ERC2: variants seen among roughly 807,000 people sequenced by gnomAD.
ERC2 encodes ELKS/RAB6-interacting/CAST family member 2.
ERC2 carries 42 observed loss-of-function variants against 114.8 expected under a neutral mutation model. The ratio of observed to expected loss-of-function variants is 0.37; its 90% CI spans 0.29 to 0.47. The LOEUF is 0.47. Among genes scored for constraint, ERC2 ranks in the 20% least tolerant of loss-of-function variants. The pLI is 0.99. For missense variants in ERC2, 939 were observed against 1,150.7 expected, an observed-to-expected ratio of 0.82 and a Z score of 2.66; for synonymous variants, 454 against 425.5, an observed-to-expected ratio of 1.07 and a Z score of -0.82.
intron 14 of ERC2, among the ~76,000 whole-genome samples, chr3:55,779,319 T>TA (rs1402090030): frequency 1.8e-3 from 58 of 31,360 alleles, no homozygotes; most frequent in African/African-American, 6.5e-3. Flanking sequence ...CCATCTCTAC[T>TA]AAAAATACAA....
chr3:55,946,765 C>T (rs1275177269), intron 13 of ERC2, among the ~76,000 whole-genome samples: 1 of 152,158 alleles, frequency 6.6e-6, no homozygotes, highest in African/African-American at 2.4e-5. Flanking sequence ...TCCTGTTCTC[C>T]TTGTCAATGC....
chr3:56,052,185 G>A (rs1271134720), intron 7 of ERC2, among the ~76,000 whole-genome samples: 4 of 152,208 alleles, frequency 2.6e-5, no homozygotes, highest in Non-Finnish European at 5.9e-5. Flanking sequence ...CCTATGGGTA[G>A]CTTAACAGTC....
intron 3 of ERC2, among the ~76,000 whole-genome samples, chr3:56,193,202 G>A (rs559374724): frequency 3.8e-4 from 58 of 152,252 alleles, no homozygotes; most frequent in Non-Finnish European, 7.8e-4. Flanking sequence ...AATATAAACC[G>A]TGTGAAAAAG....
intron 17 of ERC2, among the ~76,000 whole-genome samples, chr3:55,588,776 C>CT (rs141967751): frequency 0.029 from 4,408 of 152,206 alleles, 166 homozygotes; most frequent in African/African-American, 0.082. Context: ...GATAAGATGG[C>CT]GCTTGACTGG....
chr3:55,854,602 A>G (rs2061711759), intron 14 of ERC2, among the ~76,000 whole-genome samples: 2 of 152,216 alleles, frequency 1.3e-5, no homozygotes, highest in East Asian at 1.9e-4. Context: ...TGTGAAATGC[A>G]TCCAGCCCAG....
chr3:56,088,774 A>G (rs1231835271), intron 6 of ERC2, among the ~76,000 whole-genome samples: 2 of 152,216 alleles, frequency 1.3e-5, no homozygotes, highest in Non-Finnish European at 2.9e-5. Flanking sequence ...TAATAACAGT[A>G]CGTCCTTCAT....
intron 17 of ERC2, among the ~76,000 whole-genome samples, chr3:55,652,859 CAAAAAAAAAAAAA>C (rs3059334): frequency 1.3e-5 from 1 of 74,378 alleles, no homozygotes; most frequent in East Asian, 4.3e-4. Context: ...GACTCTGTCT[CAAAAAAAAAAAAA>C]AAAAAAAAAA....
At chr3:55,714,696 T>TATATAC (rs2064004177) in intron 15 of ERC2, among the ~76,000 whole-genome samples, 4 of 107,886 alleles carry the variant, frequency 3.7e-5, no homozygotes, top group Admixed American at 1.1e-4. Flanking sequence ...TATATATATA[T>TATATAC]ATATATATAT....
intron 7 of ERC2, among the ~76,000 whole-genome samples, chr3:56,077,413 C>A (rs1313479898): frequency 1.3e-5 from 2 of 152,202 alleles, no homozygotes; most frequent in Non-Finnish European, 2.9e-5. Flanking sequence ...CAAGTGATAT[C>A]ATAATCATGT....
At chr3:55,597,455 A>C (rs1295181321) in intron 17 of ERC2, among the ~76,000 whole-genome samples, 1 of 151,496 alleles carries the variant, frequency 6.6e-6, no homozygotes, top group Non-Finnish European at 1.5e-5. Flanking sequence ...AACCTTACAC[A>C]TCAAGGCCAA....
chr3:56,377,598 G>T (rs968614635), intron 2 of ERC2, among the ~76,000 whole-genome samples: 1 of 152,188 alleles, frequency 6.6e-6, no homozygotes, highest in African/African-American at 2.4e-5. Context: ...GCATAAAGAT[G>T]TAAAATTAAT....
chr3:55,943,695 A>G (rs1477565896), intron 13 of ERC2, among the ~76,000 whole-genome samples: 1 of 152,190 alleles, frequency 6.6e-6, no homozygotes, highest in African/African-American at 2.4e-5. Flanking sequence ...CCACGAAAGC[A>G]TTTTAGAAAG....
chr3:56,002,204 G>C (rs2072128913), intron 10 of ERC2, among the ~76,000 whole-genome samples: 1 of 152,146 alleles, frequency 6.6e-6, no homozygotes. Context: ...TCCTGAAGCA[G>C]TGGCTTAACA....
At chr3:55,788,640 C>T (rs150087535) in intron 14 of ERC2, among the ~76,000 whole-genome samples, 156 of 152,264 alleles carry the variant, frequency 1.0e-3, no homozygotes, top group African/African-American at 3.7e-3. Flanking sequence ...GGTTGGTCAG[C>T]TGACGGTCTT....
intron 6 of ERC2, among the ~76,000 whole-genome samples, chr3:56,112,432 GAC>G (rs3052551): frequency 0.051 from 7,626 of 149,148 alleles, 400 homozygotes; most frequent in East Asian, 0.14. Flanking sequence ...AAGACAGACA[GAC>G]ACACACACAC....
At chr3:55,896,891 G>A (rs188470909) in intron 13 of ERC2, among the ~76,000 whole-genome samples, 171 of 152,290 alleles carry the variant, frequency 1.1e-3, no homozygotes, top group Non-Finnish European at 2.1e-3. Context: ...GTCATTCTAT[G>A]TTGCAGATCA....
At chr3:55,584,988 G>C (rs2057522076) in intron 17 of ERC2, among the ~76,000 whole-genome samples, 1 of 152,226 alleles carries the variant, frequency 6.6e-6, no homozygotes, top group South Asian at 2.1e-4. Flanking sequence ...ATACGGTCTT[G>C]TCTTTGCTGT....
chr3:56,374,913 T>G (rs920245246), intron 2 of ERC2, among the ~76,000 whole-genome samples: 1 of 152,226 alleles, frequency 6.6e-6, no homozygotes, highest in African/African-American at 2.4e-5. Context: ...ACTGCCAGTT[T>G]CAATGCAATA....
chr3:55,547,510 T>C (rs1386088630), intron 17 of ERC2, among the ~76,000 whole-genome samples: 1 of 152,202 alleles, frequency 6.6e-6, no homozygotes, highest in African/African-American at 2.4e-5. Context: ...CAGTTTAAGG[T>C]CTTCTTTCTC....
Sources: gnomAD v4.1 joint callset for allele counts (sites outside exome capture counted in the v4.1 genomes callset) on GRCh38, gnomAD v4.1.1 for gene constraint, MANE v1.5 for transcripts, NCBI Gene and HGNC (gene_info 2026-07-23, HGNC 2026-07-21) for gene names.